Variants in NR4A1 observed in about 807,000 individuals in gnomAD.
NR4A1 encodes nuclear receptor subfamily 4 group A member 1, also known as nuclear receptor subfamily 4immunitygroup A member 1.
A neutral mutation model predicts 47.5 loss-of-function variants in NR4A1; 24 were observed. That is an observed-to-expected ratio of 0.50 (90% confidence interval 0.37 to 0.71). The LOEUF is 0.71. NR4A1 is among the 30% of genes least tolerant of loss of function. NR4A1 has a pLI of 0.00. For synonymous variants in NR4A1, 353 were observed against 345.7 expected (o/e 1.02, Z -0.24); for missense variants, 669 against 788.6 (o/e 0.85, Z 1.82).
chr12:52,058,528 T>C, intron 6 of NR4A1, 160 bp from the exon 7 acceptor site: 1 of 938,290 alleles, frequency 1.1e-6, no homozygotes, highest in African/African-American at 1.7e-5. Context: ...CTCAGACTTG[T>C]GACGATGCTT....
intron 1 of NR4A1, among the ~76,000 whole-genome samples, chr12:52,028,898 A>G (rs1819919241): frequency 1.3e-5 from 2 of 152,160 alleles, no homozygotes; most frequent in Admixed American, 6.5e-5. Context: ...GCGAGACTCC[A>G]TTTTAAAAAA....
chr12:52,047,727 C>T (rs1938710437), upstream of NR4A1, among the ~76,000 whole-genome samples: 1 of 152,250 alleles, frequency 6.6e-6, no homozygotes, highest in Non-Finnish European at 1.5e-5. Context: ...GACAGCTCCT[C>T]ACCACACTCA....
intron 1 of NR4A1, among the ~76,000 whole-genome samples, chr12:52,030,052 C>T (rs1271584469): frequency 2.0e-5 from 3 of 152,216 alleles, no homozygotes; most frequent in Non-Finnish European, 4.4e-5. Context: ...ACCCTAAGTT[C>T]CAGCTTGGGC....
chr12:52,044,428 C>T (rs913382570), intron 2 of NR4A1, among the ~76,000 whole-genome samples: 3 of 152,176 alleles, frequency 2.0e-5, no homozygotes, highest in African/African-American at 7.2e-5. Context: ...AGAGGTCTGG[C>T]AAGTCCGCCA....
rs147863784 is a variant in NR4A1 at position 52,051,791 on chromosome 12, G to A, written c.-3+223G>A. The stretch of plus-strand genomic sequence containing the variant: ...CTACCTGCAAAGTGGAAGCTGTAGG[G>A]GGTTGGGGTTGGCGCCGGGAGTAGG... On this transcript the variant is annotated intron_variant, in intron 1 of 6. Transcript: ENST00000394825. 0.017 allele frequency among the ~76,000 whole-genome samples: 2,657 copies of A among 152,230 alleles called. 30 individuals carry two copies. The highest frequency in any genetic ancestry group is 0.034 in the South Asian group (166 of 4,822).
chr12:52,042,038 A>C, intron 2 of NR4A1: 1 of 1,201,742 alleles, frequency 8.3e-7, no homozygotes, highest in Non-Finnish European at 1.0e-6. Flanking sequence ...GATGGAGGGG[A>C]AGCCCTGGGG....
intron 1 of NR4A1, chr12:52,037,163 C>G (rs1443717343): frequency 6.7e-6 from 1 of 148,924 alleles, no homozygotes; most frequent in Admixed American, 6.8e-5. Context: ...GCTGGGACAG[C>G]GCGCGGGCGG....
At chr12:52,050,370 G>A (rs1195758472), upstream of NR4A1, among the ~76,000 whole-genome samples, 1 of 152,224 alleles carries the variant, frequency 6.6e-6, no homozygotes, top group Non-Finnish European at 1.5e-5. Flanking sequence ...GGCGTGGAGA[G>A]ATCCCTAGAG....
At chr12:52,026,591 G>A (rs1938005168) in intron 1 of NR4A1, among the ~76,000 whole-genome samples, 1 of 152,224 alleles carries the variant, frequency 6.6e-6, no homozygotes, top group Non-Finnish European at 1.5e-5. Flanking sequence ...CAGCTTAAGT[G>A]ACTGGCCCAA....
intron 1 of NR4A1, among the ~76,000 whole-genome samples, chr12:52,029,449 AG>A (rs1306682946): frequency 6.6e-6 from 1 of 152,120 alleles, no homozygotes; most frequent in East Asian, 1.9e-4. Flanking sequence ...ACATTTTGGG[AG>A]GCTGAGGTGG....
intron 1 of NR4A1, among the ~76,000 whole-genome samples, chr12:52,032,659 C>T (rs987758163): frequency 1.3e-5 from 2 of 152,172 alleles, no homozygotes; most frequent in African/African-American, 2.4e-5. Flanking sequence ...GAGGGCTGGC[C>T]TAGGTGTTTC....
chr12:52,031,617 A>T (rs1310614803), intron 1 of NR4A1, among the ~76,000 whole-genome samples: 1 of 151,586 alleles, frequency 6.6e-6, no homozygotes, highest in Non-Finnish European at 1.5e-5. Flanking sequence ...AGCCTGGGTG[A>T]CAGAGTGAGA....
In NR4A1 at chr12:52,058,834, C is replaced by T. The variant is rs376167869; in HGVS notation, c.1687C>T (p.Arg563Trp). 1.9e-6 allele frequency: 3 copies of T among 1,613,804 alleles called. No individual in the cohort carries two copies. Among genetic ancestry groups the T allele is most frequent in the African/African-American group, 1.3e-5 (1 of 74,940 alleles). The part of the protein sequence containing the change: ...SRLLGKLPEL[R>W]TLCTQGLQRI... ...TCTGTTGGGCAAACTGCCCGAGCTG[C>T]GGACCCTGTGCACCCAGGGCCTGCA... Residue 563 changes from arginine to tryptophan, a missense_variant, in exon 7 of 7, where the codon CGG becomes TGG. Arg to Trp is a moderately radical substitution (Grantham distance 101, BLOSUM62 -3). Transcript: ENST00000394825.
At chr12:52,048,010 T>C (rs939686270), upstream of NR4A1, among the ~76,000 whole-genome samples, 17 of 150,456 alleles carry the variant, frequency 1.1e-4, no homozygotes, top group African/African-American at 3.9e-4. Context: ...AAAAATTAGC[T>C]GGGTGTGGTG....
chr12:52,056,100 G>A lies in NR4A1; in HGVS notation c.947G>A (p.Arg316Gln). ...GACTGCCCTGTGGACAAGAGGCGGC[G>A]AAACCGCTGCCAGTTCTGCCGCTTC... is the stretch of plus-strand genomic sequence containing the variant. ...NKDCPVDKRR[R>Q]NRCQFCRFQK... is the part of the protein sequence containing the mutation. The change falls in exon 3 of 7, where the codon CGA (arginine) becomes CAA (glutamine). Residue 316 changes from arginine to glutamine, a missense_variant. Physicochemically the swap from Arg to Gln is conservative, Grantham distance 43 (BLOSUM62 1). Coordinates refer to ENST00000394825, the MANE Select transcript of NR4A1 (RefSeq NM_173157.3). 6 of 1,612,210 alleles carry A rather than the reference G, an allele frequency of 3.7e-6. No homozygotes were observed. The highest frequency in any genetic ancestry group is 1.1e-5 in the South Asian group (1 of 90,862).
Position 52,059,163 on chromosome 12 carries a change from G to A in NR4A1, c.*219G>A. The A allele has an allele frequency of 1.7e-6, 1 of 594,958 alleles. No homozygotes were observed. The highest frequency in any genetic ancestry group is 2.9e-6 in the Non-Finnish European group (1 of 348,582). The allele number at this position is 594,958 out of a possible 1,614,324, so 36.9% of individuals were successfully genotyped here. A position where few individuals can be genotyped will look rare whatever the true frequency, so the allele number is the denominator to read the frequency against. Reference sequence around the variant, plus strand: ...CGATTTGTCTTATCCCCCCCAGCCTGGCCCCGGCCTTTATGTTTTTTGTAA... The same window carrying A: ...CGATTTGTCTTATCCCCCCCAGCCTAGCCCCGGCCTTTATGTTTTTTGTAA... On this transcript the variant is annotated 3_prime_UTR_variant, in exon 7 of 7. Coordinates refer to ENST00000394825, the MANE Select transcript of NR4A1 (RefSeq NM_173157.3).
chr12:52,044,743 G>A (rs1265054422), intron 2 of NR4A1, among the ~76,000 whole-genome samples: 2 of 152,158 alleles, frequency 1.3e-5, no homozygotes, highest in African/African-American at 4.8e-5. Flanking sequence ...AGGGAATTTG[G>A]TGGGTGCTGA....
chr12:52,047,718 A>C (rs758973967), upstream of NR4A1, among the ~76,000 whole-genome samples: 15 of 152,220 alleles, frequency 9.9e-5, no homozygotes, highest in Admixed American at 5.2e-4. Flanking sequence ...AGGGACCTGG[A>C]CAGCTCCTCA....
chr12:52,043,194 G>T (rs74093049), intron 2 of NR4A1, among the ~76,000 whole-genome samples: 14 of 152,176 alleles, frequency 9.2e-5, no homozygotes, highest in Non-Finnish European at 1.9e-4. Flanking sequence ...AGGAATTACT[G>T]TAAGGGGGAG....
Sources: allele counts gnomAD v4.1 joint callset (sites outside exome capture counted in the v4.1 genomes callset), GRCh38; gene constraint gnomAD v4.1.1; transcripts MANE v1.5; gene names NCBI Gene and HGNC (gene_info 2026-07-23, HGNC 2026-07-21).